Variants in TCF7L1 observed in about 807,000 individuals in gnomAD.
TCF7L1 encodes transcription factor 7-like 1.
In TCF7L1, 18 loss-of-function variants were observed where a neutral mutation model predicts 63.7. The observed-to-expected ratio is 0.28, with a 90% CI of 0.20 to 0.42. The LOEUF is 0.42. Ranked by LOEUF, TCF7L1 falls within the 10% of genes least tolerant of loss-of-function variation. TCF7L1 has a pLI of 1.00. For missense variants in TCF7L1, 654 were observed against 779.3 expected (o/e 0.84, Z 1.91); for synonymous variants, 355 against 340.9 (o/e 1.04, Z -0.46).
At chr2:85,275,068 CT>C (rs1339441281) in intron 3 of TCF7L1, among the ~76,000 whole-genome samples, 4 of 152,236 alleles carry the variant, frequency 2.6e-5, no homozygotes, top group Admixed American at 2.0e-4. Context: ...GCTAGGACCC[CT>C]GATTCCGTAT....
At chr2:85,169,650 C>T (rs950257834) in intron 3 of TCF7L1, among the ~76,000 whole-genome samples, 3 of 152,176 alleles carry the variant, frequency 2.0e-5, no homozygotes, top group African/African-American at 7.2e-5. Context: ...GGCCTTGTCT[C>T]CCTAGCCAAC....
intron 3 of TCF7L1, among the ~76,000 whole-genome samples, chr2:85,189,023 C>T (rs772125415): frequency 1.3e-5 from 2 of 152,170 alleles, no homozygotes; most frequent in Non-Finnish European, 2.9e-5. Context: ...AGAAGCAGAG[C>T]ATCGTCCCTT....
intron 3 of TCF7L1, among the ~76,000 whole-genome samples, chr2:85,142,409 C>A (rs1227252892): frequency 7.0e-6 from 1 of 143,434 alleles, no homozygotes; most frequent in Admixed American, 7.2e-5. Context: ...CAGAGTGAGA[C>A]CCTGTTTCCA....
At chr2:85,266,642 T>G (rs536357197) in intron 3 of TCF7L1, among the ~76,000 whole-genome samples, 242 of 152,332 alleles carry the variant, frequency 1.6e-3, no homozygotes, top group African/African-American at 5.7e-3. Context: ...CGGTGGGGAC[T>G]TGGGAACCAC....
intron 3 of TCF7L1, among the ~76,000 whole-genome samples, chr2:85,165,001 A>G (rs1678382269): frequency 6.6e-6 from 1 of 152,198 alleles, no homozygotes; most frequent in Non-Finnish European, 1.5e-5. Context: ...ATTTTACTGT[A>G]ATTGGTTTCC....
At chr2:85,150,335 G>A (rs1393339800) in intron 3 of TCF7L1, among the ~76,000 whole-genome samples, 3 of 151,286 alleles carry the variant, frequency 2.0e-5, no homozygotes, top group Non-Finnish European at 4.4e-5. Context: ...CCGGGTTCAC[G>A]CCGTTCTCCT....
intron 3 of TCF7L1, among the ~76,000 whole-genome samples, chr2:85,218,413 G>A (rs1679759028): frequency 6.6e-6 from 1 of 151,974 alleles, no homozygotes; most frequent in Admixed American, 6.6e-5. Flanking sequence ...ATGCCACCAT[G>A]CCTGGCTAAT....
chr2:85,258,289 C>A (rs1680770010), intron 3 of TCF7L1, among the ~76,000 whole-genome samples: 1 of 152,196 alleles, frequency 6.6e-6, no homozygotes, highest in African/African-American at 2.4e-5. Context: ...CTGACCACTT[C>A]CTTCCTGACC....
At chr2:85,209,667 G>A (rs1424975147) in intron 3 of TCF7L1, among the ~76,000 whole-genome samples, 1 of 152,052 alleles carries the variant, frequency 6.6e-6, no homozygotes, top group Admixed American at 6.6e-5. Context: ...AGACTCCTGG[G>A]CCCATTCCAA....
At chr2:85,212,286 C>T (rs973499640) in intron 3 of TCF7L1, among the ~76,000 whole-genome samples, 1 of 152,122 alleles carries the variant, frequency 6.6e-6, no homozygotes, top group Non-Finnish European at 1.5e-5. Context: ...GGACCCACCA[C>T]TTACCAGCTG....
chr2:85,291,590 G>C lies in TCF7L1; in HGVS notation c.525+8012G>C, dbSNP rs567938571. ...TGGTTTTGGTTTTGGTTTTGGTTTT[G>C]GTTTTAGGACGGAGTTTCACTCTTG... is the stretch of plus-strand genomic sequence containing the variant. On this transcript the variant is annotated intron_variant, in intron 4 of 11. Transcript: ENST00000282111. 3.7e-4 allele frequency among the ~76,000 whole-genome samples: 46 copies of C among 123,696 alleles called. 1 individual carries two copies. Among genetic ancestry groups the C allele is most frequent in the Non-Finnish European group, 4.7e-4 (28 of 59,042 alleles). The allele number at this position is 123,696 out of a possible 152,430, so 81.1% of individuals were successfully genotyped here. A position where few individuals can be genotyped will look rare whatever the true frequency, so the allele number is the denominator to read the frequency against.
intron 3 of TCF7L1, among the ~76,000 whole-genome samples, chr2:85,220,116 C>A (rs1178418584): frequency 1.3e-5 from 2 of 152,036 alleles, no homozygotes; most frequent in Non-Finnish European, 2.9e-5. Flanking sequence ...GTGGATAATA[C>A]ATATGTAGTG....
Position 85,310,200 on chromosome 2 carries a change from C to A in TCF7L1, c.*738C>A, listed in dbSNP as rs1436111604. ...TGGCAGGCGGGACCGGCCCCATGGT[C>A]TGGCTCCTGTCACCTGGGTCCGTGC... is the stretch of plus-strand genomic sequence containing the variant. On this transcript the variant is annotated 3_prime_UTR_variant, in exon 12 of 12. Coordinates refer to ENST00000282111, the MANE Select transcript of TCF7L1 (RefSeq NM_031283.3). The A allele has an allele frequency of 6.6e-6, 1 of 152,594 alleles. No homozygotes were observed. Among genetic ancestry groups the A allele is most frequent in the East Asian group, 1.9e-4 (1 of 5,198 alleles). The allele number at this position is 152,594 out of a possible 1,614,324, so 9.5% of individuals were successfully genotyped here. A position where few individuals can be genotyped will look rare whatever the true frequency, so the allele number is the denominator to read the frequency against.
In TCF7L1 at chr2:85,273,020, G is replaced by A. The variant is rs188299801; in HGVS notation, c.442-10475G>A. The stretch of plus-strand genomic sequence containing the variant: ...AGACAGTGGAGGGAGTGGAACAGAA[G>A]CCAGCCTTCTGGGGGCTGAGAAGTA... On this transcript the variant is annotated intron_variant, in intron 3 of 11. Coordinates refer to ENST00000282111, the MANE Select transcript of TCF7L1 (RefSeq NM_031283.3). Among the ~76,000 whole-genome samples, 11 of 152,306 alleles carry A rather than the reference G, an allele frequency of 7.2e-5. No homozygotes were observed. The East Asian group carries it at 2.1e-3, about 29-fold the overall frequency.
chr2:85,204,884 T>TG (rs1553398969), intron 3 of TCF7L1: 1 of 117,468 alleles, frequency 8.5e-6, no homozygotes, highest in Non-Finnish European at 1.9e-5. Flanking sequence ...TACTTAGTTT[T>TG]GTTTGTTTTT....
At chr2:85,152,886 A>G (rs1418384766) in intron 3 of TCF7L1, among the ~76,000 whole-genome samples, 1 of 152,236 alleles carries the variant, frequency 6.6e-6, no homozygotes, top group East Asian at 1.9e-4. Flanking sequence ...AAAAATAAGC[A>G]TATATATATT....
At chr2:85,153,589 C>A (rs1024931476) in intron 3 of TCF7L1, among the ~76,000 whole-genome samples, 2 of 152,094 alleles carry the variant, frequency 1.3e-5, no homozygotes, top group Non-Finnish European at 2.9e-5. Flanking sequence ...GATCCACCCA[C>A]CTCGGCCTCC....
At chr2:85,277,293 A>G (rs1156599237) in intron 3 of TCF7L1, among the ~76,000 whole-genome samples, 9 of 152,162 alleles carry the variant, frequency 5.9e-5, no homozygotes, top group Admixed American at 5.9e-4. Context: ...TCGCTTCTTC[A>G]CATTTTTCAT....
At chr2:85,305,523 A>G in intron 8 of TCF7L1, 120 bp downstream of exon 8, 3 of 1,244,394 alleles carry the variant, frequency 2.4e-6, no homozygotes, top group Non-Finnish European at 2.2e-6. Flanking sequence ...CAGGCATCAC[A>G]GCCTCCCCAG....
Sources: allele counts gnomAD v4.1 joint callset (sites outside exome capture counted in the v4.1 genomes callset), GRCh38; gene constraint gnomAD v4.1.1; transcripts MANE v1.5; gene names NCBI Gene and HGNC (gene_info 2026-07-23, HGNC 2026-07-21).